The following RMND5A variants were observed in gnomAD, a reference collection of about 807,000 sequenced individuals.
The protein encoded by RMND5A is E3 ubiquitin-protein transferase RMND5A.
A neutral mutation model predicts 49.7 loss-of-function variants in RMND5A; 17 were observed. The observed-to-expected ratio is 0.34, with a 90% CI of 0.23 to 0.51. The LOEUF (loss-of-function observed/expected upper bound fraction) is 0.51, where lower values mean the gene tolerates loss of function less well. Ranked by LOEUF, RMND5A falls within the 20% of genes least tolerant of loss-of-function variation. The probability of loss-of-function intolerance (pLI) is 0.96; values close to 1 mark genes in which losing one functional copy is unlikely to be tolerated. For missense variants in RMND5A, 255 were observed against 471.3 expected (o/e 0.54, Z 4.25); for synonymous variants, 156 against 167.7 (o/e 0.93, Z 0.54).
At chr2:86,760,134 T>C (rs1311614249) in intron 4 of RMND5A, among the ~76,000 whole-genome samples, 1 of 152,032 alleles carries the variant, frequency 6.6e-6, no homozygotes, top group African/African-American at 2.4e-5. Context: ...AACCTCTGCC[T>C]CCCGAGTTCA....
Position 86,775,109 on chromosome 2 carries a change from C to T in RMND5A, c.*1698C>T, listed in dbSNP as rs1384173268. 1 of 152,486 alleles carries T rather than the reference C, an allele frequency of 6.6e-6. No individual in the cohort carries two copies. The highest frequency in any genetic ancestry group is 1.5e-5 in the Non-Finnish European group (1 of 68,064). The allele number at this position is 152,486 out of a possible 1,614,324, so 9.4% of individuals were successfully genotyped here. A position where few individuals can be genotyped will look rare whatever the true frequency, so the allele number is the denominator to read the frequency against. On this transcript the variant is annotated 3_prime_UTR_variant, in exon 9 of 9. Transcript: ENST00000283632. ...CAACCTCAGTCTGGCCCCATAGCGACTTTTGCCCCATGATTCTGCTTCACT... is the reference window on the plus strand; with the variant it reads ...CAACCTCAGTCTGGCCCCATAGCGATTTTTGCCCCATGATTCTGCTTCACT...
Position 86,720,922 on chromosome 2 carries a change from C to A in RMND5A, c.142+113C>A, listed in dbSNP as rs1330895537. ...CGCGCCTCTGGCCCGGCCCTTGCCT[C>A]CCCTGAGGCGCGGAGGCCCCCAGAC... On this transcript the variant is annotated intron_variant, in intron 1 of 8. Coordinates refer to ENST00000283632, the MANE Select transcript of RMND5A (RefSeq NM_022780.4). The A allele has an allele frequency of 2.9e-6, 3 of 1,018,034 alleles. No individual in the cohort carries two copies. The East Asian group carries it at 8.9e-5, about 30-fold the overall frequency. 63.1% of individuals were successfully genotyped at this position (1,018,034 alleles called of 1,614,324 possible).
At chr2:86,761,260 A>G (rs1259706750) in intron 4 of RMND5A, among the ~76,000 whole-genome samples, 3 of 152,188 alleles carry the variant, frequency 2.0e-5, no homozygotes, top group Non-Finnish European at 4.4e-5. Context: ...AACTCTTGAT[A>G]CCAGAGCTTA....
At chr2:86,725,686 C>T (rs1681279317) in intron 1 of RMND5A, among the ~76,000 whole-genome samples, 1 of 78,940 alleles carries the variant, frequency 1.3e-5, no homozygotes. Flanking sequence ...CCACTGCGCC[C>T]GACCTCCAGA....
chr2:86,768,429 G>A (rs572745234), intron 6 of RMND5A, among the ~76,000 whole-genome samples: 5 of 152,284 alleles, frequency 3.3e-5, no homozygotes, highest in South Asian at 2.1e-4. Context: ...AATGTGAGGC[G>A]CTGATGCCAT....
chr2:86,768,263 C>CT (rs1672633296), intron 6 of RMND5A, among the ~76,000 whole-genome samples: 1 of 152,186 alleles, frequency 6.6e-6, no homozygotes, highest in African/African-American at 2.4e-5. Flanking sequence ...GAAAATAACT[C>CT]TTTTTTAGCT....
intron 1 of RMND5A, among the ~76,000 whole-genome samples, chr2:86,729,034 G>A (rs1470876966): frequency 7.9e-5 from 12 of 152,118 alleles, no homozygotes; most frequent in African/African-American, 2.7e-4. Flanking sequence ...GATTATAGGC[G>A]TGAGCCACCA....
At position 86,766,041 on chromosome 2, in the gene RMND5A, T is replaced by C; in HGVS notation, c.854+17T>C. 2.5e-6 allele frequency: 4 copies of C among 1,606,544 alleles called. No homozygotes were observed. In the South Asian group the frequency reaches 4.4e-5, roughly 18 times the overall value. ...CAGTGTCAGGTATGGAAATTAGCCC[T>C]GTCTGTTATTGAAGTATGCACTGCA... On this transcript the variant is annotated intron_variant, in intron 6 of 8. Transcript: ENST00000283632.
intron 5 of RMND5A, 108 bp from the exon 6 acceptor site, chr2:86,765,751 C>G: frequency 1.1e-6 from 1 of 898,834 alleles, no homozygotes; most frequent in South Asian, 1.9e-5. Context: ...TTTAAAAGAC[C>G]TGTTAATACA....
chr2:86,771,832 TAAC>T, intron 8 of RMND5A, 120 bp downstream of exon 8: 1 of 820,562 alleles, frequency 1.2e-6, no homozygotes, highest in Non-Finnish European at 1.9e-6. Flanking sequence ...ATAAATTTCT[TAAC>T]TATTCATTTG....
At chr2:86,753,958 A>G (rs140805524) in intron 4 of RMND5A, among the ~76,000 whole-genome samples, 5 of 152,226 alleles carry the variant, frequency 3.3e-5, no homozygotes, top group Non-Finnish European at 7.3e-5. Context: ...TATTGGAACT[A>G]GGTGGTGTGG....
intron 4 of RMND5A, among the ~76,000 whole-genome samples, chr2:86,754,631 A>G (rs1396818394): frequency 2.6e-5 from 4 of 152,038 alleles, no homozygotes; most frequent in African/African-American, 7.2e-5. Context: ...CAGTGGCATA[A>G]TCATGGCTCA....
At chr2:86,738,557 T>G (rs1446869294) in intron 1 of RMND5A, among the ~76,000 whole-genome samples, 1 of 59,848 alleles carries the variant, frequency 1.7e-5, no homozygotes, top group Admixed American at 1.9e-4. Context: ...AAAAAAAATG[T>G]TTTTTGTGGG....
intron 4 of RMND5A, among the ~76,000 whole-genome samples, chr2:86,761,362 TA>T (rs1672486325): frequency 6.6e-6 from 1 of 152,184 alleles, no homozygotes; most frequent in South Asian, 2.1e-4. Context: ...TGACTTTGAA[TA>T]AAACCTATGC....
At chr2:86,771,975 C>T (rs560589833) in intron 8 of RMND5A, among the ~76,000 whole-genome samples, 8 of 152,194 alleles carry the variant, frequency 5.3e-5, no homozygotes, top group South Asian at 4.2e-4. Context: ...TACAAATGGT[C>T]GCATACTAAA....
chr2:86,754,913 T>C (rs1338659047), intron 4 of RMND5A, among the ~76,000 whole-genome samples: 1 of 152,072 alleles, frequency 6.6e-6, no homozygotes, highest in African/African-American at 2.4e-5. Flanking sequence ...CCCAGATGAC[T>C]AGACAGAAAT....
Position 86,721,688 on chromosome 2 carries a change from G to C in RMND5A, c.142+879G>C, listed in dbSNP as rs535978626. Among the ~76,000 whole-genome samples the C allele has an allele frequency of 2.8e-3, 424 of 151,810 alleles. 3 individuals carry two copies. The highest frequency in any genetic ancestry group is 0.01 in the Middle Eastern group (3 of 294). ...TTTCTTACACTTTAGAAGTCACAGCGATGATTCCTTTTGATCAAGAAGTGA... is the reference window on the plus strand; with the variant it reads ...TTTCTTACACTTTAGAAGTCACAGCCATGATTCCTTTTGATCAAGAAGTGA... On this transcript the variant is annotated intron_variant, in intron 1 of 8. Coordinates refer to ENST00000283632, the MANE Select transcript of RMND5A (RefSeq NM_022780.4).
chr2:86,766,087 G>C, intron 6 of RMND5A, 63 bp downstream of exon 6: 1 of 1,413,236 alleles, frequency 7.1e-7, no homozygotes, highest in Non-Finnish European at 9.6e-7. Flanking sequence ...CCCTTAACTT[G>C]TTTGGTTCTT....
At position 86,753,536 on chromosome 2, in the gene RMND5A, A is replaced by G; in HGVS notation, c.499A>G (p.Arg167Gly). ...LNRILEALKV[R>G]VLRPALEWAV... ...TAGAATATTAGAGGCATTAAAGGTC[A>G]GAGTTCTGAGACCTGCTCTGGAGTG... The change falls in exon 4 of 9, where the codon AGA becomes GGA. Residue 167 changes from arginine to glycine, a missense_variant. Physicochemically the swap from Arg to Gly is moderately radical, Grantham distance 125 (BLOSUM62 -2). This residue lies in a region of RMND5A where 208 missense variants were observed against 339.8 expected (regional missense o/e 0.61). Transcript: ENST00000283632. The G allele has an allele frequency of 6.2e-7, 1 of 1,602,488 alleles. No homozygotes were observed. The highest frequency in any genetic ancestry group is 2.2e-5 in the East Asian group (1 of 44,794).
Sources: allele counts gnomAD v4.1 joint callset (sites outside exome capture counted in the v4.1 genomes callset), GRCh38; gene constraint gnomAD v4.1.1; regional missense constraint gnomAD v4.1.1; transcripts MANE v1.5; gene names NCBI Gene and HGNC (gene_info 2026-07-23, HGNC 2026-07-21).